Variants in HPSE2 observed in about 807,000 individuals in gnomAD.
HPSE2 encodes the protein inactive heparanase-2.
In HPSE2, 38 loss-of-function variants were observed where a neutral mutation model predicts 60.5. The ratio of observed to expected loss-of-function variants is 0.63; its 90% confidence interval spans 0.48 to 0.82. HPSE2 has a LOEUF of 0.82. Among genes scored for constraint, HPSE2 ranks in the 40% least tolerant of loss-of-function variants. The pLI, the probability that HPSE2 is intolerant of heterozygous loss-of-function variation, is 0.00. For missense variants in HPSE2, 713 were observed against 740.4 expected (o/e 0.96, Z 0.43); for synonymous variants, 295 against 293.2 (o/e 1.01, Z -0.06).
the HPSE2 span, among the ~76,000 whole-genome samples, chr10:99,304,277 G>C: frequency 6.6e-6 from 1 of 152,220 alleles, no homozygotes; most frequent in Non-Finnish European, 1.5e-5. Flanking sequence ...CAATGACCCA[G>C]TGAGCCAAAA....
At chr10:98,538,872 A>G (rs182629079) in intron 9 of HPSE2, among the ~76,000 whole-genome samples, 11 of 152,314 alleles carry the variant, frequency 7.2e-5, no homozygotes, top group African/African-American at 2.6e-4. Flanking sequence ...GAACAGAGGC[A>G]TAAGCATACG....
intron 6 of HPSE2, among the ~76,000 whole-genome samples, chr10:98,670,885 G>A (rs945954783): frequency 6.6e-6 from 1 of 152,190 alleles, no homozygotes; most frequent in Non-Finnish European, 1.5e-5. Flanking sequence ...TGGTGCACTT[G>A]GGGAGCTCGG....
At chr10:98,528,351 C>T (rs1943032000) in intron 9 of HPSE2, among the ~76,000 whole-genome samples, 2 of 152,140 alleles carry the variant, frequency 1.3e-5, no homozygotes, top group Admixed American at 6.5e-5. Flanking sequence ...GTTTTGAAAG[C>T]TGAGCTTTAT....
intron 3 of HPSE2, among the ~76,000 whole-genome samples, chr10:99,043,673 C>G (rs1957793336): frequency 6.6e-6 from 1 of 151,984 alleles, no homozygotes; most frequent in Non-Finnish European, 1.5e-5. Flanking sequence ...AACAAAGAAC[C>G]AAACTGAACT....
chr10:99,247,296 A>T, the HPSE2 span, among the ~76,000 whole-genome samples: 88 of 152,254 alleles, frequency 5.8e-4, no homozygotes, highest in Admixed American at 1.0e-3. Context: ...CAGGAAAACA[A>T]TCTTAGTAAG....
chr10:98,913,969 G>A (rs1299154623), intron 3 of HPSE2, among the ~76,000 whole-genome samples: 1 of 152,066 alleles, frequency 6.6e-6, no homozygotes, highest in African/African-American at 2.4e-5. Context: ...TAATCACTGA[G>A]GAAAATGAAA....
intron 3 of HPSE2, among the ~76,000 whole-genome samples, chr10:98,943,582 T>C (rs1422781627): frequency 1.3e-5 from 2 of 152,094 alleles, no homozygotes; most frequent in Admixed American, 1.3e-4. Flanking sequence ...CAAGACTGTA[T>C]GATAAAGACA....
At chr10:98,859,391 G>A (rs1279623265) in intron 3 of HPSE2, among the ~76,000 whole-genome samples, 2 of 152,148 alleles carry the variant, frequency 1.3e-5, no homozygotes, top group South Asian at 4.2e-4. Context: ...ATTTCTTGGT[G>A]TATCTGTGAG....
intron 4 of HPSE2, among the ~76,000 whole-genome samples, chr10:98,739,466 G>A (rs1332867668): frequency 2.0e-5 from 3 of 149,660 alleles, no homozygotes; most frequent in South Asian, 2.1e-4. Flanking sequence ...AAAAGAAGAA[G>A]AAAAAAAGAA....
chr10:98,716,829 G>A (rs1460875023), intron 5 of HPSE2, among the ~76,000 whole-genome samples: 4 of 151,984 alleles, frequency 2.6e-5, no homozygotes, highest in South Asian at 2.1e-4. Context: ...CTGAGCAGTA[G>A]GTCTCAGTAG....
intron 3 of HPSE2, among the ~76,000 whole-genome samples, chr10:98,991,778 T>C (rs1449454641): frequency 6.6e-6 from 1 of 151,796 alleles, no homozygotes; most frequent in Non-Finnish European, 1.5e-5. Flanking sequence ...AACAGTAAGA[T>C]TGGTGGGCAT....
intron 3 of HPSE2, among the ~76,000 whole-genome samples, chr10:98,845,857 T>G (rs1952021806): frequency 1.3e-5 from 2 of 152,196 alleles, no homozygotes; most frequent in African/African-American, 4.8e-5. Flanking sequence ...GAGCACAAGC[T>G]CCTACTGACT....
chr10:98,747,389 T>G (rs1407985863), intron 3 of HPSE2, among the ~76,000 whole-genome samples: 1 of 152,186 alleles, frequency 6.6e-6, no homozygotes, highest in Admixed American at 6.5e-5. Context: ...TTCCATATAA[T>G]GAGTATTTTA....
chr10:98,984,488 C>A (rs1956287774), intron 3 of HPSE2, among the ~76,000 whole-genome samples: 1 of 152,206 alleles, frequency 6.6e-6, no homozygotes, highest in Non-Finnish European at 1.5e-5. Flanking sequence ...AAAACCCCAT[C>A]TGTACGTCAC....
chr10:98,645,840 T>TGG (rs777999246), intron 6 of HPSE2, among the ~76,000 whole-genome samples: 3 of 151,848 alleles, frequency 2.0e-5, no homozygotes, highest in Non-Finnish European at 4.4e-5. Flanking sequence ...CGGGGCGTGG[T>TGG]GGGGGGCGCC....
intron 9 of HPSE2, among the ~76,000 whole-genome samples, chr10:98,496,156 G>C (rs2133696115): frequency 6.6e-6 from 1 of 152,112 alleles, no homozygotes; most frequent in African/African-American, 2.4e-5. Context: ...GTCTTCTCAG[G>C]TCTTTTTTGA....
intron 9 of HPSE2, among the ~76,000 whole-genome samples, chr10:98,552,555 T>C (rs1564962343): frequency 1.3e-5 from 2 of 152,144 alleles, no homozygotes; most frequent in Admixed American, 6.5e-5. Flanking sequence ...ACCTACAGTA[T>C]ATAAAAAACA....
At chr10:99,129,912 T>G (rs990251342) in intron 3 of HPSE2, among the ~76,000 whole-genome samples, 50 of 151,004 alleles carry the variant, frequency 3.3e-4, no homozygotes, top group African/African-American at 1.2e-3. Flanking sequence ...AGAGAGAAGA[T>G]CCTAATAAGC....
chr10:98,987,030 C>T (rs890261637), intron 3 of HPSE2, among the ~76,000 whole-genome samples: 68 of 152,088 alleles, frequency 4.5e-4, no homozygotes, highest in Middle Eastern at 3.4e-3. Flanking sequence ...AAGTCCAGGA[C>T]CAGATGGATT....
Sources: gnomAD v4.1 joint callset for allele counts (sites outside exome capture counted in the v4.1 genomes callset) on GRCh38, gnomAD v4.1.1 for gene constraint, MANE v1.5 for transcripts, NCBI Gene and HGNC (gene_info 2026-07-23, HGNC 2026-07-21) for gene names.